The following CDH10 variants were observed in gnomAD, a reference collection of about 807,000 sequenced individuals.
CDH10 encodes the protein cadherin-10.
In CDH10, 30 loss-of-function variants were observed where a neutral mutation model predicts 73.1. That is an observed-to-expected ratio of 0.41 (90% CI 0.31 to 0.56). The LOEUF is 0.56. CDH10 is among the 20% of genes least tolerant of loss of function. The pLI, the probability that CDH10 is intolerant of heterozygous loss-of-function variation, is 0.27. For missense variants in CDH10, 815 were observed against 973.7 expected (o/e 0.84, Z 2.17); for synonymous variants, 345 against 348.2 (o/e 0.99, Z 0.10).
intron 2 of CDH10, among the ~76,000 whole-genome samples, chr5:24,552,585 G>T (rs2111956968): frequency 6.6e-6 from 1 of 151,824 alleles, no homozygotes; most frequent in Admixed American, 6.6e-5. Flanking sequence ...TTCGAACTTT[G>T]TCAATGCAGA....
intron 8 of CDH10, among the ~76,000 whole-genome samples, chr5:24,502,140 T>G (rs1422866536): frequency 6.6e-6 from 1 of 152,126 alleles, no homozygotes; most frequent in Non-Finnish European, 1.5e-5. Flanking sequence ...GCCAGGATGG[T>G]CTCGATCACC....
At chr5:24,615,026 CCAA>C (rs1641579458) in intron 1 of CDH10, among the ~76,000 whole-genome samples, 1 of 152,112 alleles carries the variant, frequency 6.6e-6, no homozygotes, top group Non-Finnish European at 1.5e-5. Context: ...GGCCACCTCC[CCAA>C]CAAGTAGACA....
chr5:24,634,604 A>G (rs994802831), intron 1 of CDH10, among the ~76,000 whole-genome samples: 3 of 151,844 alleles, frequency 2.0e-5, no homozygotes, highest in Non-Finnish European at 4.4e-5. Flanking sequence ...AGCAGATAAT[A>G]CATGATTAAA....
At chr5:24,553,207 G>T (rs1308595691) in intron 2 of CDH10, among the ~76,000 whole-genome samples, 1 of 139,184 alleles carries the variant, frequency 7.2e-6, no homozygotes, top group Non-Finnish European at 1.6e-5. Flanking sequence ...AAGAGCCACG[G>T]ATTTATTTCT....
Position 24,555,806 on chromosome 5 carries a change from T to C in CDH10, c.232-18132A>G, listed in dbSNP as rs149412566. On this transcript the variant is annotated intron_variant, in intron 2 of 11. Transcript: ENST00000264463. ...GAAGTGAAAAAAAGTGAGAAATCTA[T>C]AAGCAACTGTCTTCTAGCAAGGTTA... is the stretch of plus-strand genomic sequence containing the variant. 1.6e-3 allele frequency among the ~76,000 whole-genome samples: 241 copies of C among 152,264 alleles called. 3 individuals are homozygous for C. The highest frequency in any genetic ancestry group is 5.7e-3 in the African/African-American group (235 of 41,562).
intron 1 of CDH10, among the ~76,000 whole-genome samples, chr5:24,630,879 A>C (rs2112195435): frequency 6.6e-6 from 1 of 152,276 alleles, no homozygotes; most frequent in Non-Finnish European, 1.5e-5. Context: ...TGCAAAAAAA[A>C]ATACTCTGCC....
chr5:24,545,371 G>T (rs1472782547), intron 2 of CDH10, among the ~76,000 whole-genome samples: 5 of 152,196 alleles, frequency 3.3e-5, no homozygotes, highest in Non-Finnish European at 7.4e-5. Context: ...TCATTTAAAA[G>T]AAGATCACAG....
At chr5:24,575,020 C>T (rs1170280476) in intron 2 of CDH10, among the ~76,000 whole-genome samples, 1 of 151,952 alleles carries the variant, frequency 6.6e-6, no homozygotes, top group East Asian at 1.9e-4. Flanking sequence ...TTCATGGTCA[C>T]TCAAACGGAT....
chr5:24,582,435 C>A (rs1323419569), intron 2 of CDH10, among the ~76,000 whole-genome samples: 4 of 152,142 alleles, frequency 2.6e-5, no homozygotes, highest in East Asian at 1.9e-4. Context: ...GAAAAACAGA[C>A]ACTATTATCA....
intron 2 of CDH10, among the ~76,000 whole-genome samples, chr5:24,568,270 A>G (rs538751289): frequency 6.6e-6 from 1 of 152,292 alleles, no homozygotes; most frequent in East Asian, 1.9e-4. Context: ...TAATTTACAT[A>G]AAAAGTAAAA....
At chr5:24,615,506 G>A (rs1009090924) in intron 1 of CDH10, among the ~76,000 whole-genome samples, 2 of 152,180 alleles carry the variant, frequency 1.3e-5, no homozygotes, top group African/African-American at 2.4e-5. Context: ...ACACTGCACA[G>A]AACAGTGCTT....
chr5:24,585,796 G>A (rs1236550546), intron 2 of CDH10, among the ~76,000 whole-genome samples: 1 of 151,978 alleles, frequency 6.6e-6, no homozygotes, highest in Admixed American at 6.6e-5. Context: ...CTAGATTTTT[G>A]TTTTTTTCTC....
intron 1 of CDH10, among the ~76,000 whole-genome samples, chr5:24,625,118 T>C (rs1396280947): frequency 6.6e-6 from 1 of 152,148 alleles, no homozygotes; most frequent in Non-Finnish European, 1.5e-5. Flanking sequence ...ATTTATTAGG[T>C]AGAGTGCTCA....
intron 2 of CDH10, among the ~76,000 whole-genome samples, chr5:24,580,610 A>G (rs1356881430): frequency 6.6e-6 from 1 of 152,218 alleles, no homozygotes; most frequent in African/African-American, 2.4e-5. Context: ...AAAATTCTAC[A>G]GTATCTTCCC....
intron 2 of CDH10, among the ~76,000 whole-genome samples, chr5:24,576,372 A>C (rs1276001227): frequency 2.0e-5 from 3 of 152,098 alleles, no homozygotes; most frequent in Non-Finnish European, 4.4e-5. Context: ...CGTGCTTTAG[A>C]AGATTATTAT....
intron 5 of CDH10, among the ~76,000 whole-genome samples, chr5:24,514,801 A>C (rs926543752): frequency 1.3e-5 from 2 of 152,146 alleles, no homozygotes; most frequent in Non-Finnish European, 2.9e-5. Flanking sequence ...TTTTCAATTA[A>C]TGAGTTTTCA....
chr5:24,535,052 G>T (rs2111875098), intron 5 of CDH10, 60 bp downstream of exon 5: 18 of 1,365,424 alleles, frequency 1.3e-5, no homozygotes, highest in Admixed American at 2.6e-5. Context: ...TTCTTTCTTT[G>T]TCTGTCTTTT....
At chr5:24,604,687 A>G (rs1170822815) in intron 1 of CDH10, among the ~76,000 whole-genome samples, 1 of 152,020 alleles carries the variant, frequency 6.6e-6, no homozygotes, top group East Asian at 1.9e-4. Flanking sequence ...AGCCTAACCA[A>G]CACGGTGAAA....
chr5:24,640,791 A>AAGAG (rs1300797710), intron 1 of CDH10, among the ~76,000 whole-genome samples: 1 of 151,880 alleles, frequency 6.6e-6, no homozygotes. Context: ...CATAATGTTT[A>AAGAG]ACCAATGTCT....
Sources: allele counts gnomAD v4.1 joint callset (sites outside exome capture counted in the v4.1 genomes callset), GRCh38; gene constraint gnomAD v4.1.1; transcripts MANE v1.5; gene names NCBI Gene and HGNC (gene_info 2026-07-23, HGNC 2026-07-21).